Variants in VPS16 observed in about 807,000 individuals in gnomAD.
The protein encoded by VPS16 is VPS16 core subunit of CORVET and HOPS complexes.
In VPS16, 82 loss-of-function variants were observed where a neutral mutation model predicts 116.0. That is an observed-to-expected ratio of 0.71 (90% CI 0.59 to 0.85). The LOEUF is 0.85. Ranked by LOEUF, VPS16 falls within the 40% of genes least tolerant of loss-of-function variation. The pLI is 0.00. For missense variants in VPS16, 928 were observed against 1,090.6 expected, an observed-to-expected ratio of 0.85 and a Z score of 2.10; for synonymous variants, 406 against 420.7, an observed-to-expected ratio of 0.96 and a Z score of 0.43.
chr20:2,857,695 A>C (rs537465640), intron 1 of VPS16, among the ~76,000 whole-genome samples: 1 of 151,350 alleles, frequency 6.6e-6, no homozygotes, highest in African/African-American at 2.4e-5. Flanking sequence ...TTTTTATTTT[A>C]ATTTTATTTA....
intron 11 of VPS16, 59 bp from the exon 12 acceptor site, chr20:2,862,520 G>A: frequency 1.9e-6 from 3 of 1,584,164 alleles, no homozygotes; most frequent in Non-Finnish European, 2.6e-6. Context: ...AATGGTTAGG[G>A]GCCAGATGTG....
In VPS16 at chr20:2,863,625, G is replaced by A. The variant is rs1027678428; in HGVS notation, c.1476+227G>A. On this transcript the variant is annotated intron_variant, in intron 15 of 23. Coordinates refer to ENST00000380445, the MANE Select transcript of VPS16 (RefSeq NM_022575.4). The surrounding 1 kb of genome is among the most constrained non-coding windows in gnomAD (Gnocchi z 4.4). ...TAAAAATACAAAATTAGCCGGGCAC[G>A]GTGGCGCATGCCTGTAATCCCAGCT... 6.6e-6 allele frequency among the ~76,000 whole-genome samples: 1 copy of A among 152,158 alleles called. No individual in the cohort carries two copies. The highest frequency in any genetic ancestry group is 1.5e-5 in the Non-Finnish European group (1 of 68,030).
intron 1 of VPS16, among the ~76,000 whole-genome samples, chr20:2,850,279 G>A (rs1409077147): frequency 1.3e-5 from 2 of 151,972 alleles, no homozygotes; most frequent in Admixed American, 6.6e-5. Flanking sequence ...AGCCCAGATC[G>A]TGCCACTGCA....
In VPS16 at chr20:2,862,715, G is replaced by T; in HGVS notation, c.1203+5G>T. On this transcript the variant is annotated splice_donor_5th_base_variant and intron_variant, in intron 12 of 23. Transcript: ENST00000380445. ...ATGCAGAAGAGTCTGCTCAGGGTTG[G>T]CCTGGATGGCCGGGCCGGGGAGGGT... is the stretch of plus-strand genomic sequence containing the variant. The T allele has an allele frequency of 6.2e-7, 1 of 1,604,160 alleles. No homozygotes were observed. Among genetic ancestry groups the T allele is most frequent in the Non-Finnish European group, 8.5e-7 (1 of 1,178,590 alleles).
At chr20:2,852,109 C>T (rs144815019) in intron 1 of VPS16, among the ~76,000 whole-genome samples, 220 of 152,260 alleles carry the variant, frequency 1.4e-3, no homozygotes, top group Non-Finnish European at 2.4e-3. Flanking sequence ...GCCTGGAGTG[C>T]AGCGTCTGTC....
In VPS16 at chr20:2,864,990, C is replaced by G. The variant is rs374914263; in HGVS notation, c.1939C>G (p.Arg647Gly). 6 of 1,613,996 alleles carry G rather than the reference C, an allele frequency of 3.7e-6. No individual in the cohort carries two copies. The highest frequency in any genetic ancestry group is 2.2e-5 in the East Asian group (1 of 44,892). The part of the protein sequence containing the change: ...SYAAEERIEG[R>G]VAALQTAADA... Reference sequence around the variant, plus strand: ...CTTGTCTTTATAGCGTATTGAGGGGCGAGTAGCAGCTCTGCAGACAGCCGC... The same window carrying G: ...CTTGTCTTTATAGCGTATTGAGGGGGGAGTAGCAGCTCTGCAGACAGCCGC... The change falls in exon 20 of 24, where the codon CGA (arginine) becomes GGA (glycine). Residue 647 changes from arginine (R) to glycine (G), a missense_variant. Coordinates refer to ENST00000380445, the MANE Select transcript of VPS16 (RefSeq NM_022575.4). The surrounding 1 kb of genome is among the most constrained non-coding windows in gnomAD (Gnocchi z 5.2).
chr20:2,860,534 G>A lies in VPS16; in HGVS notation c.455G>A (p.Arg152His), dbSNP rs147797280. The change falls in exon 5 of 24, where the codon CGC becomes CAC. Residue 152 changes from arginine to histidine, a missense_variant. By Grantham distance (29) the Arg-to-His change is conservative. Coordinates refer to ENST00000380445, the MANE Select transcript of VPS16 (RefSeq NM_022575.4). This position sits in a 1 kb window ranked among gnomAD's most constrained non-coding sequence, Gnocchi z 6.1. The stretch of plus-strand genomic sequence containing the variant: ...GTGGCCATCCTCACAGGGGCCCACC[G>A]CTTCACCCTCAGTGCCAATGTGGGT... ...SGVAILTGAH[R>H]FTLSANVGDL... 41 of 1,613,794 alleles carry A rather than the reference G, an allele frequency of 2.5e-5. 1 individual carries two copies. The highest frequency in any genetic ancestry group is 1.4e-4 in the South Asian group (13 of 91,080).
Position 2,861,919 on chromosome 20 carries a change from A to G in VPS16, c.994+20A>G, listed in dbSNP as rs755685364. 1.2e-6 allele frequency: 2 copies of G among 1,611,846 alleles called. No homozygotes were observed. Among genetic ancestry groups the G allele is most frequent in the African/African-American group, 2.7e-5 (2 of 74,908 alleles). On this transcript the variant is annotated intron_variant, in intron 10 of 23. Coordinates refer to ENST00000380445, the MANE Select transcript of VPS16 (RefSeq NM_022575.4). ...TTCCAGGTGAGGCCTTCACAAGGGCACCACATAACCCAAGGTGGGGACTCC... is the reference window on the plus strand; with the variant it reads ...TTCCAGGTGAGGCCTTCACAAGGGCGCCACATAACCCAAGGTGGGGACTCC...
In VPS16 at chr20:2,860,030, A is replaced by G; in HGVS notation, c.143-24A>G. 1 of 1,613,730 alleles carries G rather than the reference A, an allele frequency of 6.2e-7. No individual in the cohort carries two copies. The highest frequency in any genetic ancestry group is 8.5e-7 in the Non-Finnish European group (1 of 1,179,922). On this transcript the variant is annotated intron_variant, in intron 2 of 23. Transcript: ENST00000380445. The surrounding 1 kb of genome is among the most constrained non-coding windows in gnomAD (Gnocchi z 6.1). ...TGGGGTGGGCCTAGGGAGCTAGGAC[A>G]GAAGGTCTCTTCTCAAACTGCAGCA... is the stretch of plus-strand genomic sequence containing the variant.
In VPS16 at chr20:2,863,817, G is replaced by A. The variant is rs919768096; in HGVS notation, c.1477-132G>A. The A allele has an allele frequency of 9.4e-5, 116 of 1,235,688 alleles. No homozygotes were observed. Among genetic ancestry groups the A allele is most frequent in the Non-Finnish European group, 1.2e-4 (109 of 934,202 alleles). The allele number at this position is 1,235,688 out of a possible 1,614,324, so 76.5% of individuals were successfully genotyped here. ...GGAGGAGGGAAAGAGAGAGAAAGAA[G>A]AAAGAGAGAAAGAAAGAAAGAAGAA... On this transcript the variant is annotated intron_variant, in intron 15 of 23. Transcript: ENST00000380445. This position sits in a 1 kb window ranked among gnomAD's most constrained non-coding sequence, Gnocchi z 4.4.
intron 23 of VPS16, 49 bp downstream of exon 23, chr20:2,866,364 G>A (rs560663430): frequency 1.2e-6 from 2 of 1,614,108 alleles, no homozygotes; most frequent in Admixed American, 1.7e-5. Context: ...GCTGTGGGCT[G>A]GTGAGAGGCA....
At chr20:2,858,401 T>G (rs945131977) in intron 1 of VPS16, among the ~76,000 whole-genome samples, 1 of 152,112 alleles carries the variant, frequency 6.6e-6, no homozygotes, top group Admixed American at 6.6e-5. Context: ...GCCACCTCAC[T>G]CCTTACTTTG....
At chr20:2,841,822 C>G (rs1181088067) in intron 1 of VPS16, among the ~76,000 whole-genome samples, 1 of 151,384 alleles carries the variant, frequency 6.6e-6, no homozygotes, top group Non-Finnish European at 1.5e-5. Flanking sequence ...CAGGGGCACT[C>G]GGCTCACTGC....
chr20:2,866,055 ACTGT>A (rs1304388693), intron 22 of VPS16, 153 bp from the exon 23 acceptor site: 4 of 676,068 alleles, frequency 5.9e-6, no homozygotes, highest in African/African-American at 5.4e-5. Flanking sequence ...TGAGATCACA[ACTGT>A]CTGTGCATGG....
At chr20:2,858,348 C>T (rs1380308450) in intron 1 of VPS16, among the ~76,000 whole-genome samples, 1 of 152,202 alleles carries the variant, frequency 6.6e-6, no homozygotes, top group East Asian at 1.9e-4. Flanking sequence ...CTCAAGCAGT[C>T]TGCCTGCTTC....
At chr20:2,842,852 A>ACATC (rs1568621043) in intron 1 of VPS16, among the ~76,000 whole-genome samples, 11 of 149,728 alleles carry the variant, frequency 7.3e-5, no homozygotes, top group East Asian at 4.1e-4. Flanking sequence ...ATCGATAGAT[A>ACATC]GATGTATCTA....
In VPS16 at chr20:2,863,221, G is replaced by T. The variant is rs2089260649; in HGVS notation, c.1368-69G>T. 6 of 1,609,982 alleles carry T rather than the reference G, an allele frequency of 3.7e-6. No individual in the cohort carries two copies. Among genetic ancestry groups the T allele is most frequent in the Middle Eastern group, 1.7e-4 (1 of 6,050 alleles). The stretch of plus-strand genomic sequence containing the variant: ...AGGATGTGGGAGGCCTGATGTGCAG[G>T]CTGAGGCCACTCTGCTCCCTTTCTC... On this transcript the variant is annotated intron_variant, in intron 14 of 23. Coordinates refer to ENST00000380445, the MANE Select transcript of VPS16 (RefSeq NM_022575.4). This position sits in a 1 kb window ranked among gnomAD's most constrained non-coding sequence, Gnocchi z 4.4.
At position 2,866,727 on chromosome 20, in the gene VPS16, A is replaced by C. The variant is rs527851128; in HGVS notation, c.*153A>C. The C allele has an allele frequency of 1.0e-4, 116 of 1,151,728 alleles. No individual in the cohort carries two copies. The South Asian group carries it at 1.7e-3, about 16-fold the overall frequency. The allele number at this position is 1,151,728 out of a possible 1,614,324, so 71.3% of individuals were successfully genotyped here. On this transcript the variant is annotated 3_prime_UTR_variant, in exon 24 of 24. Coordinates refer to ENST00000380445, the MANE Select transcript of VPS16 (RefSeq NM_022575.4). Reference sequence around the variant, plus strand: ...GTCTGGTTTTAAATAAAGTTGGAACACTTCACAGTGCTTGTCTTACACAGT... The same window carrying C: ...GTCTGGTTTTAAATAAAGTTGGAACCCTTCACAGTGCTTGTCTTACACAGT...
intron 1 of VPS16, among the ~76,000 whole-genome samples, chr20:2,845,903 A>G (rs2089054584): frequency 6.6e-6 from 1 of 152,148 alleles, no homozygotes; most frequent in African/African-American, 2.4e-5. Flanking sequence ...TTAGCATAAT[A>G]TCTTCAAGAT....
Sources: gnomAD v4.1 joint callset for allele counts (sites outside exome capture counted in the v4.1 genomes callset) on GRCh38, gnomAD v4.1.1 for gene constraint, Gnocchi (gnomAD v3.1) non-coding constraint, MANE v1.5 for transcripts, NCBI Gene and HGNC (gene_info 2026-07-23, HGNC 2026-07-21) for gene names.